SGCZ: variants seen among roughly 807,000 people sequenced by gnomAD.
SGCZ encodes zeta-sarcoglycan.
In SGCZ, 40 loss-of-function variants were observed where a neutral mutation model predicts 41.3. The observed-to-expected ratio is 0.97, with a 90% confidence interval of 0.75 to 1.26. SGCZ has a LOEUF of 1.26. Among genes scored for constraint, SGCZ ranks in the 50% most tolerant of loss-of-function variants. The probability of loss-of-function intolerance (pLI) is 0.00; values close to 1 mark genes in which losing one functional copy is unlikely to be tolerated. For missense variants in SGCZ, 552 were observed against 369.8 expected, an observed-to-expected ratio of 1.49 and a Z score of -4.04; for synonymous variants, 206 against 137.5, an observed-to-expected ratio of 1.50 and a Z score of -3.49.
intron 1 of SGCZ, among the ~76,000 whole-genome samples, chr8:14,766,220 A>C (rs1401099978): frequency 6.6e-6 from 1 of 152,124 alleles, no homozygotes; most frequent in Non-Finnish European, 1.5e-5. Flanking sequence ...TCGACTTCCC[A>C]AAGTGCTGTG....
At chr8:14,226,105 A>C (rs1178001049) in intron 4 of SGCZ, among the ~76,000 whole-genome samples, 1 of 152,082 alleles carries the variant, frequency 6.6e-6, no homozygotes, top group African/African-American at 2.4e-5. Context: ...AAACCCAGGC[A>C]TACAGGATAA....
chr8:14,956,127 C>T (rs188927059), intron 1 of SGCZ, among the ~76,000 whole-genome samples: 1 of 151,172 alleles, frequency 6.6e-6, no homozygotes, highest in Admixed American at 6.6e-5. Flanking sequence ...GCAACCTCCA[C>T]CTCCTGGGTT....
chr8:14,443,347 C>G (rs953091384), intron 2 of SGCZ, among the ~76,000 whole-genome samples: 8 of 152,084 alleles, frequency 5.3e-5, no homozygotes, highest in Non-Finnish European at 8.8e-5. Context: ...GAGCCCGCAT[C>G]GCCAAGTCAA....
In SGCZ at chr8:15,231,708, G is replaced by A. The variant is rs143472818; in HGVS notation, c.39+5877C>T. ...AAGATGTCAGCTCACTGCAACCTCC[G>A]CCTCCCACCTTCAAGCAATTCTCTC... On this transcript the variant is annotated intron_variant, in intron 1 of 7. Transcript: ENST00000382080. 5.4e-3 allele frequency among the ~76,000 whole-genome samples: 679 copies of A among 125,992 alleles called. 3 individuals carry two copies. The highest frequency in any genetic ancestry group is 0.019 in the African/African-American group (646 of 33,320). The allele number at this position is 125,992 out of a possible 152,430, so 82.7% of individuals were successfully genotyped here.
chr8:14,285,005 T>A (rs977927142), intron 3 of SGCZ, among the ~76,000 whole-genome samples: 2 of 152,134 alleles, frequency 1.3e-5, no homozygotes, highest in South Asian at 2.1e-4. Context: ...ATATCTTCCA[T>A]CAAATTTTCC....
At chr8:14,392,788 T>C (rs7813887) in intron 2 of SGCZ, among the ~76,000 whole-genome samples, 25,573 of 151,988 alleles carry the variant, frequency 0.17, 5,045 homozygotes, top group African/African-American at 0.48. Flanking sequence ...GGCTAATACA[T>C]GCATATTTAA....
At chr8:14,309,139 C>T (rs1801441814) in intron 3 of SGCZ, 2 of 1,463,498 alleles carry the variant, frequency 1.4e-6, no homozygotes, top group Middle Eastern at 2.5e-4. Context: ...CCCTACAGAA[C>T]AGATGGGCAC....
intron 2 of SGCZ, among the ~76,000 whole-genome samples, chr8:14,509,133 G>A (rs1357713276): frequency 6.6e-6 from 1 of 152,022 alleles, no homozygotes; most frequent in African/African-American, 2.4e-5. Context: ...AATTAGTACT[G>A]CATCATTAAT....
chr8:14,631,355 G>A (rs1179411731), intron 1 of SGCZ, among the ~76,000 whole-genome samples: 2 of 152,054 alleles, frequency 1.3e-5, no homozygotes, highest in Non-Finnish European at 2.9e-5. Context: ...ACGTGCTAGA[G>A]TTGACTTGTA....
intron 1 of SGCZ, among the ~76,000 whole-genome samples, chr8:14,718,829 T>C (rs947867365): frequency 6.7e-6 from 1 of 149,598 alleles, no homozygotes; most frequent in South Asian, 2.1e-4. Flanking sequence ...TTTTCTTTTT[T>C]TTTGTTTAAG....
At position 14,379,499 on chromosome 8, in the gene SGCZ, C is replaced by T. The variant is rs12674602; in HGVS notation, c.235-55295G>A. On this transcript the variant is annotated intron_variant, in intron 2 of 7. Transcript: ENST00000382080. The stretch of plus-strand genomic sequence containing the variant: ...TAATCTTGGGCAAATGGACATAGCC[C>T]CTGCTCCCAAGGGAAACAACTCAAT... Among the ~76,000 whole-genome samples, 57 of 152,148 alleles carry T rather than the reference C, an allele frequency of 3.7e-4. 1 individual carries two copies. In the East Asian group the frequency reaches 7.6e-3, roughly 20 times the overall value.
intron 1 of SGCZ, among the ~76,000 whole-genome samples, chr8:15,154,000 T>C (rs1405678411): frequency 6.6e-6 from 1 of 152,074 alleles, no homozygotes; most frequent in Non-Finnish European, 1.5e-5. Flanking sequence ...ATCCCTCACA[T>C]GCACGGTTCA....
chr8:14,550,995 T>G (rs1050476644), intron 2 of SGCZ, among the ~76,000 whole-genome samples: 41 of 152,022 alleles, frequency 2.7e-4, no homozygotes, highest in Non-Finnish European at 5.7e-4. Flanking sequence ...CCCAATTTGT[T>G]TAATTAATCA....
At chr8:14,515,851 G>T (rs191708067) in intron 2 of SGCZ, among the ~76,000 whole-genome samples, 15 of 151,988 alleles carry the variant, frequency 9.9e-5, no homozygotes, top group Admixed American at 5.3e-4. Flanking sequence ...TAAGTGCTTT[G>T]CTTAGTTTTA....
chr8:15,097,819 T>TATATATATATAC (rs1585559576), intron 1 of SGCZ, among the ~76,000 whole-genome samples: 139 of 56,526 alleles, frequency 2.5e-3, no homozygotes, highest in Non-Finnish European at 2.6e-3. Context: ...TATATACGTG[T>TATATATATATAC]GTGTATATAT....
intron 1 of SGCZ, among the ~76,000 whole-genome samples, chr8:14,852,936 C>T (rs927556549): frequency 6.6e-6 from 1 of 152,118 alleles, no homozygotes; most frequent in African/African-American, 2.4e-5. Context: ...TGGGGCTTTT[C>T]CTTTACTAGG....
intron 3 of SGCZ, among the ~76,000 whole-genome samples, chr8:14,280,560 G>T (rs1800388801): frequency 6.6e-6 from 1 of 151,838 alleles, no homozygotes. Context: ...TAGTGGTATT[G>T]TTTCTAAGCC....
intron 1 of SGCZ, among the ~76,000 whole-genome samples, chr8:15,180,713 A>G (rs1800147315): frequency 6.6e-6 from 1 of 152,018 alleles, no homozygotes; most frequent in African/African-American, 2.4e-5. Flanking sequence ...TTGAAATTCC[A>G]TCTCTATTAA....
At chr8:14,461,609 G>T (rs1800904002) in intron 2 of SGCZ, among the ~76,000 whole-genome samples, 1 of 152,016 alleles carries the variant, frequency 6.6e-6, no homozygotes, top group Non-Finnish European at 1.5e-5. Flanking sequence ...CATATTTAAA[G>T]GCCAGCTCAT....
Sources: gnomAD v4.1 joint callset for allele counts (sites outside exome capture counted in the v4.1 genomes callset) on GRCh38, gnomAD v4.1.1 for gene constraint, MANE v1.5 for transcripts, NCBI Gene and HGNC (gene_info 2026-07-23, HGNC 2026-07-21) for gene names.